RIGI: variants seen among roughly 807,000 people sequenced by gnomAD.
RIGI encodes antiviral innate immune response receptor RIG-I.
the RIGI span, among the ~76,000 whole-genome samples, chr9:32,474,102 T>C: frequency 6.8e-6 from 1 of 146,462 alleles, no homozygotes; most frequent in African/African-American, 2.5e-5. Flanking sequence ...CTGGGGAGGC[T>C]GAGATGGGAG....
the RIGI span, among the ~76,000 whole-genome samples, chr9:32,470,493 A>G: frequency 0.031 from 4,792 of 152,316 alleles, 281 homozygotes; most frequent in African/African-American, 0.11. Context: ...AACCTTTCAC[A>G]TGTCATAAAA....
the RIGI span, chr9:32,487,824 G>A: frequency 7.5e-7 from 1 of 1,326,294 alleles, no homozygotes; most frequent in Non-Finnish European, 1.0e-6. Flanking sequence ...AATTCATAAT[G>A]AGTTGTACAA....
the RIGI span, among the ~76,000 whole-genome samples, chr9:32,490,056 G>C: frequency 5.0e-3 from 760 of 152,296 alleles, 5 homozygotes; most frequent in African/African-American, 0.017. Context: ...ATTTCTAAAA[G>C]GTTAAGTGAA....
At chr9:32,524,361 G>T in the RIGI span, among the ~76,000 whole-genome samples, 3 of 152,150 alleles carry the variant, frequency 2.0e-5, no homozygotes, top group South Asian at 6.2e-4. Flanking sequence ...TGAAAAAATG[G>T]AATTCACACC....
At chr9:32,520,760 C>T in the RIGI span, among the ~76,000 whole-genome samples, 1 of 152,080 alleles carries the variant, frequency 6.6e-6, no homozygotes, top group Non-Finnish European at 1.5e-5. Flanking sequence ...TTTCTTGGAG[C>T]ATTACTCTAC....
chr9:32,515,317 C>CA, the RIGI span, among the ~76,000 whole-genome samples: 20,970 of 111,138 alleles, frequency 0.19, 2,062 homozygotes, highest in Middle Eastern at 0.32. Flanking sequence ...GACTCTGTCT[C>CA]AAAAAAAAAA....
chr9:32,497,513 C>G, the RIGI span, among the ~76,000 whole-genome samples: 1 of 152,082 alleles, frequency 6.6e-6, no homozygotes, highest in African/African-American at 2.4e-5. Flanking sequence ...TTTGGGAGGC[C>G]GAGGCAGGCG....
At chr9:32,517,045 G>T in the RIGI span, among the ~76,000 whole-genome samples, 1 of 152,184 alleles carries the variant, frequency 6.6e-6, no homozygotes, top group Admixed American at 6.5e-5. Flanking sequence ...TTGGAATCTG[G>T]AGTTGGCTGT....
the RIGI span, among the ~76,000 whole-genome samples, chr9:32,512,867 C>A: frequency 6.6e-6 from 1 of 152,060 alleles, no homozygotes; most frequent in Admixed American, 6.6e-5. Context: ...GCAACTTCAG[C>A]AAAGTCTCAG....
At chr9:32,466,749 A>T in the RIGI span, among the ~76,000 whole-genome samples, 1 of 150,974 alleles carries the variant, frequency 6.6e-6, no homozygotes, top group Non-Finnish European at 1.5e-5. Flanking sequence ...CTGCATGTTA[A>T]ATATGTGGAA....
At chr9:32,523,863 C>A in the RIGI span, among the ~76,000 whole-genome samples, 4 of 151,844 alleles carry the variant, frequency 2.6e-5, no homozygotes, top group Non-Finnish European at 2.9e-5. Context: ...CTTCTGCTTG[C>A]CTGTCAAGTT....
the RIGI span, chr9:32,485,531 C>CT: frequency 0.19 from 60,510 of 317,692 alleles, 4,127 homozygotes; most frequent in Non-Finnish European, 0.21. Flanking sequence ...TAACTAGCTT[C>CT]TTTTTTTTTT....
the RIGI span, among the ~76,000 whole-genome samples, chr9:32,468,991 C>G: frequency 6.6e-6 from 1 of 152,188 alleles, no homozygotes; most frequent in Non-Finnish European, 1.5e-5. Flanking sequence ...TCATGTGTGT[C>G]TCTTCCAAAC....
chr9:32,459,129 G>A, the RIGI span, among the ~76,000 whole-genome samples: 20 of 150,046 alleles, frequency 1.3e-4, no homozygotes, highest in Admixed American at 4.0e-4. Flanking sequence ...CCTCGTGATC[G>A]CCCACCTTGG....
chr9:32,487,517 T>A, the RIGI span: 225 of 1,614,184 alleles, frequency 1.4e-4, no homozygotes, highest in Non-Finnish European at 1.8e-4. Flanking sequence ...CCAGATTGTG[T>A]TTGACTGTTG....
the RIGI span, among the ~76,000 whole-genome samples, chr9:32,468,944 G>T: frequency 3.3e-5 from 5 of 152,236 alleles, no homozygotes; most frequent in Non-Finnish European, 7.4e-5. Context: ...ATTATATTTC[G>T]CAATCTAAAC....
chr9:32,519,263 C>T, the RIGI span, among the ~76,000 whole-genome samples: 1 of 151,972 alleles, frequency 6.6e-6, no homozygotes, highest in South Asian at 2.1e-4. Context: ...CCATTGATGG[C>T]TTTTAGTTTC....
chr9:32,467,242 T>C, the RIGI span, among the ~76,000 whole-genome samples: 271 of 151,624 alleles, frequency 1.8e-3, no homozygotes, highest in African/African-American at 6.3e-3. Context: ...GGAAACTCTT[T>C]AGCATCAAGT....
At chr9:32,518,018 C>T in the RIGI span, among the ~76,000 whole-genome samples, 3 of 152,068 alleles carry the variant, frequency 2.0e-5, no homozygotes, top group Non-Finnish European at 2.9e-5. Flanking sequence ...CTATAAAATA[C>T]TAATATCTGC....
Sources: gnomAD v4.1 joint callset for allele counts (sites outside exome capture counted in the v4.1 genomes callset) on GRCh38, gnomAD v4.1.1 for gene constraint, MANE v1.5 for transcripts, NCBI Gene and HGNC (gene_info 2026-07-23, HGNC 2026-07-21) for gene names.